TNIK: variants seen among roughly 807,000 people sequenced by gnomAD.
TNIK encodes the protein TRAF2 and NCK-interacting protein kinase.
Under a neutral mutation model 191.3 loss-of-function variants are expected in TNIK, and 49 were observed. The observed-to-expected ratio is 0.26, with a 90% CI of 0.20 to 0.32. The LOEUF is 0.32. Among genes scored for constraint, TNIK ranks in the 10% least tolerant of loss-of-function variants. The pLI is 1.00. For synonymous variants in TNIK, 594 were observed against 600.9 expected (o/e 0.99, Z 0.17); for missense variants, 1,155 against 1,702.3 (o/e 0.68, Z 5.66).
At chr3:171,244,060 GTTT>G (rs34724564) in intron 2 of TNIK, among the ~76,000 whole-genome samples, 2,640 of 135,938 alleles carry the variant, frequency 0.019, 31 homozygotes, top group Non-Finnish European at 0.028. Context: ...GACAGAAATA[GTTT>G]TTTTTTTTTT....
chr3:171,115,019 C>T (rs1726455312), intron 18 of TNIK, among the ~76,000 whole-genome samples: 2 of 152,152 alleles, frequency 1.3e-5, no homozygotes, highest in African/African-American at 4.8e-5. Flanking sequence ...AATTATTATG[C>T]ATAATTAAAT....
chr3:171,212,770 A>C (rs1210618903), intron 3 of TNIK, among the ~76,000 whole-genome samples: 5 of 152,222 alleles, frequency 3.3e-5, no homozygotes, highest in Non-Finnish European at 4.4e-5. Flanking sequence ...CAAAGAGCCC[A>C]ATGCCCAGAG....
At chr3:171,095,964 A>G (rs1361250020) in intron 22 of TNIK, among the ~76,000 whole-genome samples, 2 of 152,200 alleles carry the variant, frequency 1.3e-5, no homozygotes, top group African/African-American at 2.4e-5. Context: ...TTTTCAAAAT[A>G]TCATTTCTTC....
chr3:171,333,858 G>A (rs550843046), intron 2 of TNIK, among the ~76,000 whole-genome samples: 15 of 152,276 alleles, frequency 9.9e-5, no homozygotes, highest in African/African-American at 2.9e-4. Context: ...AGCGCCTCCC[G>A]CCAAAGGCAG....
intron 2 of TNIK, among the ~76,000 whole-genome samples, chr3:171,312,132 A>AGGCT (rs1754095532): frequency 6.9e-6 from 1 of 144,946 alleles, no homozygotes; most frequent in African/African-American, 2.5e-5. Context: ...AAAAAAAAAA[A>AGGCT]AAAAAAAAAG....
In TNIK at chr3:171,107,113, T is replaced by C; in HGVS notation, c.2406+70A>G. 2.0e-6 allele frequency: 3 copies of C among 1,522,192 alleles called. No individual in the cohort carries two copies. In the East Asian group the frequency reaches 6.9e-5, roughly 35 times the overall value. The allele number at this position is 1,522,192 out of a possible 1,614,324, so 94.3% of individuals were successfully genotyped here. A position where few individuals can be genotyped will look rare whatever the true frequency, so the allele number is the denominator to read the frequency against. ...TGCTCCCATTGGCCACCTTTCTGAA[T>C]GTCAACATTAGGAAATAAGTTTAAT... On this transcript the variant is annotated intron_variant, in intron 21 of 32. Coordinates refer to ENST00000436636, the MANE Select transcript of TNIK (RefSeq NM_015028.4).
At chr3:171,347,759 G>T (rs1279709217) in intron 2 of TNIK, among the ~76,000 whole-genome samples, 4 of 152,136 alleles carry the variant, frequency 2.6e-5, no homozygotes, top group Non-Finnish European at 1.5e-5. Context: ...AGAGAGTAAT[G>T]AGAGGACAAA....
At chr3:171,308,001 C>T (rs1185849912) in intron 2 of TNIK, among the ~76,000 whole-genome samples, 2 of 151,976 alleles carry the variant, frequency 1.3e-5, no homozygotes, top group Non-Finnish European at 2.9e-5. Context: ...CCATCCTATC[C>T]CAAGCAATTT....
intron 28 of TNIK, among the ~76,000 whole-genome samples, chr3:171,073,140 C>T (rs1719417871): frequency 1.3e-5 from 2 of 152,140 alleles, no homozygotes; most frequent in Admixed American, 1.3e-4. Context: ...CATTACCTGA[C>T]ATCAAACTAT....
intron 23 of TNIK, among the ~76,000 whole-genome samples, chr3:171,092,009 G>C (rs1722136816): frequency 6.6e-6 from 1 of 150,722 alleles, no homozygotes; most frequent in African/African-American, 2.4e-5. Flanking sequence ...GAGTGCAGTG[G>C]CACGATCTCC....
intron 4 of TNIK, among the ~76,000 whole-genome samples, chr3:171,202,845 G>A (rs917574463): frequency 6.6e-6 from 1 of 152,118 alleles, no homozygotes; most frequent in African/African-American, 2.4e-5. Flanking sequence ...TACCATGTTA[G>A]GCATATCTAT....
At chr3:171,352,384 A>G (rs1358132604) in intron 2 of TNIK, among the ~76,000 whole-genome samples, 1 of 152,216 alleles carries the variant, frequency 6.6e-6, no homozygotes, top group Non-Finnish European at 1.5e-5. Flanking sequence ...ATTATTCCAT[A>G]CATAACTTTA....
intron 4 of TNIK, among the ~76,000 whole-genome samples, chr3:171,209,408 A>C (rs1257562150): frequency 1.3e-5 from 2 of 152,102 alleles, no homozygotes; most frequent in Non-Finnish European, 2.9e-5. Context: ...TTCTTTGCTC[A>C]TTATATTATA....
intron 18 of TNIK, among the ~76,000 whole-genome samples, chr3:171,113,751 A>G (rs971274405): frequency 3.3e-5 from 5 of 152,186 alleles, no homozygotes; most frequent in African/African-American, 7.2e-5. Context: ...CAGTTATTCT[A>G]TACCAGGCAC....
chr3:171,433,731 G>A (rs1249417991), intron 1 of TNIK, among the ~76,000 whole-genome samples: 1 of 151,786 alleles, frequency 6.6e-6, no homozygotes, highest in African/African-American at 2.4e-5. Flanking sequence ...TATTTTTATT[G>A]AAATTCCATA....
At chr3:171,206,859 C>A (rs1474869274) in intron 4 of TNIK, among the ~76,000 whole-genome samples, 2 of 152,144 alleles carry the variant, frequency 1.3e-5, no homozygotes, top group Non-Finnish European at 2.9e-5. Flanking sequence ...TAAATAAACA[C>A]CCCAATTACC....
At chr3:171,333,730 T>A (rs1439128309) in intron 2 of TNIK, among the ~76,000 whole-genome samples, 2 of 152,124 alleles carry the variant, frequency 1.3e-5, no homozygotes, top group Non-Finnish European at 2.9e-5. Flanking sequence ...TGGCCATCAG[T>A]TTGCAACCCC....
intron 29 of TNIK, among the ~76,000 whole-genome samples, chr3:171,070,679 C>T (rs1357731608): frequency 7.9e-5 from 12 of 151,996 alleles, no homozygotes; most frequent in Non-Finnish European, 1.6e-4. Flanking sequence ...ATGGTGGGTA[C>T]AGACTTAGAC....
intron 1 of TNIK, among the ~76,000 whole-genome samples, chr3:171,429,847 G>T (rs1342143845): frequency 6.6e-6 from 1 of 152,080 alleles, no homozygotes; most frequent in Non-Finnish European, 1.5e-5. Flanking sequence ...TTCTAACCAA[G>T]AGTGGTTTGC....
Sources: allele counts gnomAD v4.1 joint callset (sites outside exome capture counted in the v4.1 genomes callset), GRCh38; gene constraint gnomAD v4.1.1; transcripts MANE v1.5; gene names NCBI Gene and HGNC (gene_info 2026-07-23, HGNC 2026-07-21).